Variants in ACYP2 observed in about 807,000 individuals in gnomAD.
ACYP2 encodes the protein acylphosphatase 2.
In ACYP2, 12 loss-of-function variants were observed where a neutral mutation model predicts 11.2. The observed-to-expected ratio is 1.08, with a 90% CI of 0.69 to 1.74. The LOEUF (loss-of-function observed/expected upper bound fraction) is 1.74. Ranked by LOEUF, ACYP2 falls within the 40% of genes most tolerant of loss-of-function variation. The pLI is 0.00. For missense variants in ACYP2, 134 were observed against 101.9 expected (o/e 1.31, Z -1.35); for synonymous variants, 43 against 32.2 (o/e 1.33, Z -1.13).
At chr2:54,100,275 T>G (rs2103700120) in intron 4 of ACYP2, among the ~76,000 whole-genome samples, 1 of 152,192 alleles carries the variant, frequency 6.6e-6, no homozygotes, top group African/African-American at 2.4e-5. Flanking sequence ...AAAGAATGTT[T>G]CTAGTTTTAT....
intron 4 of ACYP2, among the ~76,000 whole-genome samples, chr2:54,128,794 A>G (rs1328266064): frequency 6.6e-6 from 1 of 152,064 alleles, no homozygotes; most frequent in African/African-American, 2.4e-5. Context: ...CTATGTGTGA[A>G]GATGCGGAAG....
At chr2:54,293,002 T>A (rs548950740) in intron 6 of ACYP2, among the ~76,000 whole-genome samples, 75 of 152,348 alleles carry the variant, frequency 4.9e-4, no homozygotes, top group African/African-American at 1.8e-3. Context: ...ACCCTGACTA[T>A]ACCCTGACAT....
chr2:54,219,861 G>GTATGTGTGTGTATATAGA (rs1171256923), intron 6 of ACYP2, among the ~76,000 whole-genome samples: 8 of 45,436 alleles, frequency 1.8e-4, no homozygotes, highest in African/African-American at 7.5e-4. Context: ...ATATAGATGT[G>GTATGTGTGTGTATATAGA]TGTGTGTGTG....
At chr2:54,118,785 G>C (rs1053656122) in intron 4 of ACYP2, among the ~76,000 whole-genome samples, 5 of 152,200 alleles carry the variant, frequency 3.3e-5, no homozygotes, top group Admixed American at 3.3e-4. Flanking sequence ...AAATGGAAGA[G>C]AGTACATGCC....
intron 2 of ACYP2, among the ~76,000 whole-genome samples, chr2:54,028,854 C>T (rs1415742557): frequency 6.6e-6 from 1 of 152,188 alleles, no homozygotes; most frequent in Non-Finnish European, 1.5e-5. Flanking sequence ...AATAAATTTG[C>T]ACACCATTTC....
chr2:54,012,812 G>A (rs564600957), intron 2 of ACYP2, among the ~76,000 whole-genome samples: 66 of 152,208 alleles, frequency 4.3e-4, no homozygotes, highest in Admixed American at 3.0e-3. Context: ...AGCTAAGCCA[G>A]GTCAAGTCAC....
intron 4 of ACYP2, among the ~76,000 whole-genome samples, chr2:54,101,972 T>C (rs1284378081): frequency 6.6e-6 from 1 of 152,244 alleles, no homozygotes; most frequent in Admixed American, 6.5e-5. Flanking sequence ...GTTCACTCTT[T>C]GTATTACAGC....
At chr2:54,251,141 C>A (rs1687205593) in intron 6 of ACYP2, among the ~76,000 whole-genome samples, 1 of 152,150 alleles carries the variant, frequency 6.6e-6, no homozygotes, top group South Asian at 2.1e-4. Flanking sequence ...GGTCAGTTGA[C>A]AAAATGAGTG....
chr2:54,268,535 C>T (rs921912453), intron 6 of ACYP2, among the ~76,000 whole-genome samples: 19 of 151,456 alleles, frequency 1.3e-4, no homozygotes, highest in Non-Finnish European at 2.4e-4. Context: ...GGTGCAGTGA[C>T]TGACACCTGT....
At chr2:54,041,494 T>C (rs1372132364) in intron 2 of ACYP2, among the ~76,000 whole-genome samples, 1 of 152,050 alleles carries the variant, frequency 6.6e-6, no homozygotes, top group Non-Finnish European at 1.5e-5. Flanking sequence ...GCCAGGGAAA[T>C]TCAGTGTGGT....
chr2:54,096,435 G>T (rs1280385176), intron 4 of ACYP2, among the ~76,000 whole-genome samples: 1 of 152,096 alleles, frequency 6.6e-6, no homozygotes, highest in East Asian at 1.9e-4. Flanking sequence ...CGGGGTGGCG[G>T]CCTGGCAGAG....
At chr2:54,052,591 C>T (rs1347170054) in intron 3 of ACYP2, among the ~76,000 whole-genome samples, 19 of 152,126 alleles carry the variant, frequency 1.2e-4, no homozygotes, top group Admixed American at 1.2e-3. Flanking sequence ...CGCAGCTGTT[C>T]TGTTGACAGT....
intron 2 of ACYP2, among the ~76,000 whole-genome samples, chr2:54,003,099 C>CGCG (rs1672879617): frequency 6.6e-6 from 1 of 152,000 alleles, no homozygotes; most frequent in Non-Finnish European, 1.5e-5. Flanking sequence ...CAGGCATGCG[C>CGCG]CATCATGCAC....
At chr2:54,209,370 G>A in intron 6 of ACYP2, among the ~76,000 whole-genome samples, 1 of 152,044 alleles carries the variant, frequency 6.6e-6, no homozygotes, top group East Asian at 1.9e-4. Context: ...GTCCATCCTA[G>A]AATTGTTTCT....
chr2:54,241,574 G>C (rs767190439), intron 6 of ACYP2, among the ~76,000 whole-genome samples: 54 of 152,180 alleles, frequency 3.5e-4, no homozygotes, highest in Admixed American at 6.5e-4. Context: ...TCTCCTCCAT[G>C]AGGTAGAGAT....
At chr2:54,055,990 C>T (rs1486634492) in intron 3 of ACYP2, among the ~76,000 whole-genome samples, 3 of 152,204 alleles carry the variant, frequency 2.0e-5, no homozygotes, top group Admixed American at 6.5e-5. Context: ...ATTTCTTTCA[C>T]TCCATGGAAA....
intron 6 of ACYP2, among the ~76,000 whole-genome samples, chr2:54,184,684 T>G (rs1267161600): frequency 6.6e-6 from 1 of 152,226 alleles, no homozygotes; most frequent in Non-Finnish European, 1.5e-5. Flanking sequence ...AAATAGATTA[T>G]GTGCAGAATA....
At chr2:54,034,826 T>C (rs948347685) in intron 2 of ACYP2, among the ~76,000 whole-genome samples, 2 of 151,698 alleles carry the variant, frequency 1.3e-5, no homozygotes, top group African/African-American at 2.4e-5. Flanking sequence ...CTGGCCAACA[T>C]AGTAAAACCC....
At chr2:54,145,513 T>G (rs1681839580) in intron 6 of ACYP2, among the ~76,000 whole-genome samples, 1 of 152,136 alleles carries the variant, frequency 6.6e-6, no homozygotes, top group Admixed American at 6.5e-5. Context: ...TTCAAACACA[T>G]ACATGAATAG....
Sources: gnomAD v4.1 joint callset for allele counts (sites outside exome capture counted in the v4.1 genomes callset) on GRCh38, gnomAD v4.1.1 for gene constraint, MANE v1.5 for transcripts, NCBI Gene and HGNC (gene_info 2026-07-23, HGNC 2026-07-21) for gene names.